The following DPP6 variants were observed in gnomAD, a reference collection of about 807,000 sequenced individuals.
DPP6 encodes the protein A-type potassium channel modulatory protein DPP6.
A neutral mutation model predicts 122.6 loss-of-function variants in DPP6; 69 were observed. The ratio of observed to expected loss-of-function variants is 0.56; its 90% confidence interval spans 0.46 to 0.69. DPP6 has a LOEUF of 0.69. DPP6 is among the 30% of genes least tolerant of loss of function. The pLI is 0.00. For missense variants in DPP6, 928 were observed against 1,116.9 expected (o/e 0.83, Z 2.41); for synonymous variants, 418 against 433.1 (o/e 0.97, Z 0.43).
chr7:153,885,775 G>A (rs1305863144), upstream of DPP6, among the ~76,000 whole-genome samples: 1 of 152,022 alleles, frequency 6.6e-6, no homozygotes, highest in African/African-American at 2.4e-5. Flanking sequence ...ATTTTGCTTT[G>A]GTTTACCTAT....
intron 1 of DPP6, among the ~76,000 whole-genome samples, chr7:154,139,690 C>A (rs989468072): frequency 6.6e-6 from 1 of 151,606 alleles, no homozygotes. Flanking sequence ...CTAAGAAGTC[C>A]GGTGAAATGC....
intron 5 of DPP6, among the ~76,000 whole-genome samples, chr7:154,627,098 C>T (rs1269623821): frequency 1.4e-5 from 2 of 144,692 alleles, no homozygotes; most frequent in African/African-American, 5.1e-5. Context: ...CTGCAAGCTC[C>T]GCCTCCCAGG....
At chr7:154,571,486 T>C (rs1335900881) in intron 5 of DPP6, among the ~76,000 whole-genome samples, 3 of 152,228 alleles carry the variant, frequency 2.0e-5, no homozygotes, top group Non-Finnish European at 4.4e-5. Context: ...AGTATTAATA[T>C]CTTAGATCAT....
chr7:153,855,137 T>C, the DPP6 span, among the ~76,000 whole-genome samples: 1 of 145,446 alleles, frequency 6.9e-6, no homozygotes, highest in African/African-American at 2.5e-5. Context: ...TACCTAATGC[T>C]AGATGACAAG....
intron 1 of DPP6, among the ~76,000 whole-genome samples, chr7:153,947,000 T>C (rs953385092): frequency 6.6e-6 from 1 of 152,118 alleles, no homozygotes; most frequent in Non-Finnish European, 1.5e-5. Context: ...TTCAGTCCCG[T>C]CTTTGCTGAC....
At chr7:154,567,028 T>G in intron 5 of DPP6, 112 bp downstream of exon 5, 1 of 779,824 alleles carries the variant, frequency 1.3e-6, no homozygotes, top group Non-Finnish European at 2.0e-6. Flanking sequence ...CCAGAAATAC[T>G]TTGTACATCC....
intron 5 of DPP6, among the ~76,000 whole-genome samples, chr7:154,575,301 GGGTGT>G: frequency 9.3e-6 from 1 of 108,086 alleles, no homozygotes; most frequent in South Asian, 3.5e-4. Flanking sequence ...TGTGTGTGGG[GGGTGT>G]ATGTGTGTGG....
At chr7:154,495,185 C>T (rs1824623765) in intron 3 of DPP6, among the ~76,000 whole-genome samples, 1 of 152,146 alleles carries the variant, frequency 6.6e-6, no homozygotes, top group Non-Finnish European at 1.5e-5. Context: ...CTGCAACATT[C>T]AGTATCTGGT....
intron 1 of DPP6, among the ~76,000 whole-genome samples, chr7:154,239,949 G>A (rs1223345647): frequency 7.3e-6 from 1 of 136,230 alleles, no homozygotes; most frequent in East Asian, 2.4e-4. Context: ...CCAAGATCGT[G>A]CCACTGCACT....
chr7:154,250,299 C>T (rs538538886), intron 1 of DPP6, among the ~76,000 whole-genome samples: 1 of 152,092 alleles, frequency 6.6e-6, no homozygotes, highest in African/African-American at 2.4e-5. Flanking sequence ...CGTCCTGCTA[C>T]AGATGGGCAG....
At position 154,645,064 on chromosome 7, in the gene DPP6, T is replaced by G. The variant is rs1210773796; in HGVS notation, c.680+7191T>G. On this transcript the variant is annotated intron_variant, in intron 6 of 25. Transcript: ENST00000377770. ...TTTTTGTTTTGTTTATTTGTTGGTT[T>G]TTTTTTTTTTTTTTTTGAGAGGAAG... Among the ~76,000 whole-genome samples, 3 of 146,348 alleles carry G rather than the reference T, an allele frequency of 2.0e-5. No homozygotes were observed. In the East Asian group the frequency reaches 5.9e-4, roughly 29 times the overall value.
intron 3 of DPP6, among the ~76,000 whole-genome samples, chr7:154,506,416 T>G (rs1825668954): frequency 6.6e-6 from 1 of 152,196 alleles, no homozygotes; most frequent in Non-Finnish European, 1.5e-5. Context: ...GAAACCCACA[T>G]TCCTGAGATT....
chr7:154,122,696 T>C (rs957859440), intron 1 of DPP6, among the ~76,000 whole-genome samples: 1 of 152,162 alleles, frequency 6.6e-6, no homozygotes, highest in Admixed American at 6.5e-5. Flanking sequence ...GTATTCTTTC[T>C]ACTGTCCATA....
At chr7:154,867,651 T>C (rs1803998261) in intron 17 of DPP6, among the ~76,000 whole-genome samples, 1 of 152,218 alleles carries the variant, frequency 6.6e-6, no homozygotes, top group South Asian at 2.1e-4. Flanking sequence ...AACAGATGTG[T>C]AATGTAGGTT....
Position 154,063,908 on chromosome 7 carries a change from C to A in DPP6, c.243+10845C>A, listed in dbSNP as rs138919313. ...AGAATCATGTCAGGAGCTGATACTC[C>A]TGAGTCTCGGGAAGCCTCCAGGGAC... On this transcript the variant is annotated intron_variant, in intron 1 of 25. Coordinates refer to ENST00000377770, the MANE Select transcript of DPP6 (RefSeq NM_130797.4). 9.1e-3 allele frequency among the ~76,000 whole-genome samples: 1,382 copies of A among 151,218 alleles called. 10 individuals carry two copies. The highest frequency in any genetic ancestry group is 0.012 in the Non-Finnish European group (789 of 67,676).
At chr7:154,148,644 C>G (rs1350796718) in intron 1 of DPP6, among the ~76,000 whole-genome samples, 1 of 152,414 alleles carries the variant, frequency 6.6e-6, no homozygotes, top group Non-Finnish European at 1.5e-5. Flanking sequence ...AGCCTGCTCA[C>G]TACTAGAAGG....
In DPP6 at chr7:154,655,874, C is replaced by G. The variant is rs555414125; in HGVS notation, c.681-13486C>G. 2.8e-3 allele frequency among the ~76,000 whole-genome samples: 424 copies of G among 152,268 alleles called. 2 individuals are homozygous for G. The highest frequency in any genetic ancestry group is 4.9e-3 in the Non-Finnish European group (335 of 68,026). The stretch of plus-strand genomic sequence containing the variant: ...CCTTCAGGCTTTGACTAAATCTTCA[C>G]GCAGACACTGGTCAGCTACCTGGCC... On this transcript the variant is annotated intron_variant, in intron 6 of 25. Coordinates refer to ENST00000377770, the MANE Select transcript of DPP6 (RefSeq NM_130797.4).
At chr7:154,829,121 G>A (rs1800419667) in intron 16 of DPP6, among the ~76,000 whole-genome samples, 1 of 152,006 alleles carries the variant, frequency 6.6e-6, no homozygotes, top group Admixed American at 6.6e-5. Flanking sequence ...AGTGGCTCAT[G>A]CCTGTAATCC....
chr7:153,991,499 A>C (rs1039768753), intron 1 of DPP6, among the ~76,000 whole-genome samples: 1 of 152,174 alleles, frequency 6.6e-6, no homozygotes, highest in African/African-American at 2.4e-5. Flanking sequence ...AGTGTTAAGC[A>C]TGTTTTAAAA....
Sources: gnomAD v4.1 joint callset for allele counts (sites outside exome capture counted in the v4.1 genomes callset) on GRCh38, gnomAD v4.1.1 for gene constraint, MANE v1.5 for transcripts, NCBI Gene and HGNC (gene_info 2026-07-23, HGNC 2026-07-21) for gene names.